NAV3: variants seen among roughly 807,000 people sequenced by gnomAD.
NAV3 encodes neuron navigator 3, also known as pore membrane and/or filament interacting like protein 1.
Under a neutral mutation model 244.7 loss-of-function variants are expected in NAV3, and 87 were observed. That is an observed-to-expected ratio of 0.36 (90% CI 0.30 to 0.42). NAV3 has a LOEUF of 0.42. NAV3 is among the 20% of genes least tolerant of loss of function. The probability of loss-of-function intolerance (pLI) is 1.00; values close to 1 mark genes in which losing one functional copy is unlikely to be tolerated. For synonymous variants in NAV3, 1,126 were observed against 1,042.2 expected (o/e 1.08, Z -1.55); for missense variants, 2,663 against 2,893.3 (o/e 0.92, Z 1.83).
At chr12:78,196,597 G>A (rs1217476198) in intron 34 of NAV3, among the ~76,000 whole-genome samples, 4 of 151,964 alleles carry the variant, frequency 2.6e-5, no homozygotes, top group Admixed American at 1.3e-4. Context: ...TAGATTAAAA[G>A]CTATTAGACA....
intron 2 of NAV3, among the ~76,000 whole-genome samples, chr12:77,699,152 A>G (rs1358602222): frequency 6.6e-6 from 1 of 152,154 alleles, no homozygotes; most frequent in East Asian, 1.9e-4. Context: ...ATGCCTAAGA[A>G]TCTTGCAGGA....
intron 12 of NAV3, among the ~76,000 whole-genome samples, chr12:78,071,852 A>G (rs560146892): frequency 6.6e-6 from 1 of 152,326 alleles, no homozygotes; most frequent in Admixed American, 6.5e-5. Context: ...ACCACAGTTC[A>G]ATCAAACTAG....
intron 2 of NAV3, among the ~76,000 whole-genome samples, chr12:77,640,264 T>A (rs1181625977): frequency 6.6e-6 from 1 of 150,654 alleles, no homozygotes; most frequent in African/African-American, 2.4e-5. Flanking sequence ...AGAGAGAGAG[T>A]GTGTGTAAGT....
chr12:77,755,050 T>C (rs7960615), intron 2 of NAV3, among the ~76,000 whole-genome samples: 80,012 of 152,010 alleles, frequency 0.53, 21,906 homozygotes, highest in African/African-American at 0.69. Context: ...ATTCCAAACC[T>C]GAATAATTTA....
At chr12:78,149,260 T>C (rs577034469) in intron 22 of NAV3, among the ~76,000 whole-genome samples, 1 of 152,274 alleles carries the variant, frequency 6.6e-6, no homozygotes, top group South Asian at 2.1e-4. Context: ...TGTTTGACTT[T>C]GGAAGATAAA....
rs74321852 is a variant in NAV3 at position 77,694,476 on chromosome 12, A to T, written c.72+122210A>T. ...CTACAGAGCAAACTCCATCTCAATT[A>T]AAAAAAAAAAAAAAGGCAGTCTCTT... On this transcript the variant is annotated intron_variant, in intron 2 of 8. Transcript: ENST00000550042. Among the ~76,000 whole-genome samples the T allele has an allele frequency of 1.0e-4, 12 of 120,160 alleles. No individual in the cohort carries two copies. The South Asian group carries it at 1.3e-3, about 13-fold the overall frequency. 78.8% of individuals were successfully genotyped at this position (120,160 alleles called of 152,430 possible).
chr12:77,773,959 T>C (rs1053345387), intron 2 of NAV3, among the ~76,000 whole-genome samples: 6 of 152,208 alleles, frequency 3.9e-5, no homozygotes, highest in African/African-American at 1.2e-4. Flanking sequence ...ATCACTATTA[T>C]ACTTTTTATT....
intron 38 of NAV3, among the ~76,000 whole-genome samples, chr12:78,204,581 C>T (rs933773016): frequency 2.0e-5 from 3 of 151,952 alleles, no homozygotes; most frequent in African/African-American, 7.3e-5. Flanking sequence ...TAAAATCTTC[C>T]ATAATTGAAG....
intron 1 of NAV3, among the ~76,000 whole-genome samples, chr12:77,893,522 G>A (rs887132409): frequency 1.3e-5 from 2 of 151,838 alleles, no homozygotes; most frequent in African/African-American, 4.8e-5. Flanking sequence ...TTGATACATG[G>A]CATCTTATTA....
intron 2 of NAV3, among the ~76,000 whole-genome samples, chr12:77,613,408 T>C (rs375848114): frequency 9.8e-5 from 15 of 152,294 alleles, no homozygotes; most frequent in African/African-American, 3.4e-4. Flanking sequence ...GAAAGAGGTA[T>C]GGGAAATGAA....
rs778152942 is a variant in NAV3, at chr12:78,050,961, C to G, written c.2330C>G (p.Ser777Trp). 1 of 1,614,036 alleles carries G rather than the reference C, an allele frequency of 6.2e-7. No homozygotes were observed. Among genetic ancestry groups the G allele is most frequent in the Non-Finnish European group, 8.5e-7 (1 of 1,180,006 alleles). Residue 777 changes from serine to tryptophan, a missense_variant, in exon 11 of 40, where the codon TCG becomes TGG. By Grantham distance (177) the Ser-to-Trp change is radical. Coordinates refer to ENST00000397909, the MANE Select transcript of NAV3 (RefSeq NM_001024383.2). ...AGTCGATTCATCCACACAGACCCCTCGAGGTTCATGTATACCACGCCTCTC... is the reference window on the plus strand; with the variant it reads ...AGTCGATTCATCCACACAGACCCCTGGAGGTTCATGTATACCACGCCTCTC... ...GTSRFIHTDP[S>W]RFMYTTPLRR...
intron 12 of NAV3, among the ~76,000 whole-genome samples, chr12:78,063,993 C>A (rs1345378973): frequency 6.6e-6 from 1 of 152,058 alleles, no homozygotes; most frequent in Non-Finnish European, 1.5e-5. Context: ...ATGCTATAAT[C>A]ATTGTATTTT....
chr12:77,914,486 G>A (rs978614481), intron 1 of NAV3, among the ~76,000 whole-genome samples: 1 of 151,910 alleles, frequency 6.6e-6, no homozygotes, highest in Non-Finnish European at 1.5e-5. Context: ...AAATGATTTT[G>A]CTTTTATCTA....
chr12:78,051,902 A>G (rs902159662), intron 11 of NAV3, among the ~76,000 whole-genome samples: 1 of 152,186 alleles, frequency 6.6e-6, no homozygotes, highest in Non-Finnish European at 1.5e-5. Flanking sequence ...CACCACCAGC[A>G]ATGTTTATGA....
chr12:78,047,026 C>A (rs1021548618), intron 9 of NAV3, among the ~76,000 whole-genome samples: 3 of 152,104 alleles, frequency 2.0e-5, no homozygotes, highest in African/African-American at 4.8e-5. Flanking sequence ...GGTTTAAAGT[C>A]TGTTTTATCA....
At chr12:77,752,221 A>G (rs1044328265) in intron 2 of NAV3, among the ~76,000 whole-genome samples, 3 of 152,134 alleles carry the variant, frequency 2.0e-5, no homozygotes, top group Admixed American at 2.0e-4. Context: ...TTTTGTTCTT[A>G]ATTTAAACTT....
At chr12:77,752,339 G>A (rs2135803721) in intron 2 of NAV3, among the ~76,000 whole-genome samples, 1 of 152,240 alleles carries the variant, frequency 6.6e-6, no homozygotes, top group South Asian at 2.1e-4. Flanking sequence ...CTATAGACAG[G>A]ATGTTTGTGT....
intron 1 of NAV3, among the ~76,000 whole-genome samples, chr12:77,847,191 G>A (rs1232607459): frequency 6.6e-6 from 1 of 152,176 alleles, no homozygotes; most frequent in African/African-American, 2.4e-5. Flanking sequence ...AATGTGTGGG[G>A]AGTACAAAGA....
At chr12:77,814,036 G>A (rs550027925) in intron 2 of NAV3, among the ~76,000 whole-genome samples, 2 of 152,120 alleles carry the variant, frequency 1.3e-5, no homozygotes, top group Non-Finnish European at 2.9e-5. Flanking sequence ...TCCTCAGGCT[G>A]CACCTCACAT....
Sources: allele counts gnomAD v4.1 joint callset (sites outside exome capture counted in the v4.1 genomes callset), GRCh38; gene constraint gnomAD v4.1.1; transcripts MANE v1.5; gene names NCBI Gene and HGNC (gene_info 2026-07-23, HGNC 2026-07-21).